Variants in DMAC2 observed in about 807,000 individuals in gnomAD.
DMAC2 encodes the protein distal membrane arm assembly component 2, also known as distal membrane-arm assembly complex protein 2.
Under a neutral mutation model 29.6 loss-of-function variants are expected in DMAC2, and 32 were observed. The observed-to-expected ratio is 1.08, with a 90% CI of 0.81 to 1.45. The LOEUF is 1.45. DMAC2 is among the 40% of genes most tolerant of loss of function. DMAC2 has a pLI of 0.00. For synonymous variants in DMAC2, 133 were observed against 137.4 expected (o/e 0.97, Z 0.23); for missense variants, 319 against 340.0 (o/e 0.94, Z 0.49).
intron 2 of DMAC2, among the ~76,000 whole-genome samples, chr19:41,436,705 T>C (rs1555771293): frequency 2.0e-5 from 3 of 152,168 alleles, no homozygotes; most frequent in African/African-American, 7.2e-5. Flanking sequence ...TCCAAGCTAT[T>C]ATACAGGGAG....
At position 41,431,760 on chromosome 19, in the gene DMAC2, T is replaced by C. The variant is rs2039520457; in HGVS notation, c.*471A>G. The C allele has an allele frequency of 1.3e-5, 3 of 230,488 alleles. No individual in the cohort carries two copies. Among genetic ancestry groups the C allele is most frequent in the African/African-American group, 2.3e-5 (1 of 43,396 alleles). 14.3% of individuals were successfully genotyped at this position (230,488 alleles called of 1,614,324 possible). On this transcript the variant is annotated 3_prime_UTR_variant, in exon 6 of 6. Transcript: ENST00000221943. Reference sequence around the variant, plus strand: ...ACCAGCAATACTATGGGGCCTGGGGTGCGCTGGCCTTTAGTGAGTGGAGTG... The same window carrying C: ...ACCAGCAATACTATGGGGCCTGGGGCGCGCTGGCCTTTAGTGAGTGGAGTG...
rs1412918005 is a variant in DMAC2, at chr19:41,432,777, AGCGTGCGTGTGTGTGT to A, written c.597-385_597-370del. 4.6e-5 allele frequency: 14 copies of A among 301,878 alleles called. No individual in the cohort carries two copies. The South Asian group carries it at 4.8e-4, about 10-fold the overall frequency. The allele number at this position is 301,878 out of a possible 1,614,324, so 18.7% of individuals were successfully genotyped here. A position where few individuals can be genotyped will look rare whatever the true frequency, so the allele number is the denominator to read the frequency against. On this transcript the variant is annotated intron_variant, in intron 5 of 5. Transcript: ENST00000221943. The stretch of plus-strand genomic sequence containing the variant: ...GCGTGTGTGTAGGGAGGTACAGGAC[AGCGTGCGTGTGTGTGT>A]GTGTGTGTGTGTGTGTGTGTGTGTA...
chr19:41,439,253 A>C (rs1405394322), intron 1 of DMAC2: 31 of 468,438 alleles, frequency 6.6e-5, no homozygotes, highest in Non-Finnish European at 1.1e-5. Context: ...AATTTTACCC[A>C]AACCCTTATT....
At chr19:41,436,897 G>C (rs1368358816) in intron 2 of DMAC2, among the ~76,000 whole-genome samples, 1 of 152,110 alleles carries the variant, frequency 6.6e-6, no homozygotes, top group Non-Finnish European at 1.5e-5. Flanking sequence ...GTGGTGAGAA[G>C]GAACAGAGTA....
intron 2 of DMAC2, 43 bp from the exon 3 acceptor site, chr19:41,436,515 C>CA (rs782267393): frequency 7.3e-5 from 111 of 1,529,548 alleles, no homozygotes; most frequent in Non-Finnish European, 9.6e-5. Context: ...TGGGGAGCAC[C>CA]ACAGCCCTCA....
At chr19:41,439,388 C>T in intron 1 of DMAC2, 1 of 946,002 alleles carries the variant, frequency 1.1e-6, no homozygotes, top group Non-Finnish European at 1.6e-6. Context: ...CCCTTAGAAC[C>T]TCCAAATTGA....
In DMAC2 at chr19:41,432,144, G is replaced by A. The variant is rs149255815; in HGVS notation, c.*87C>T. ...CTCCCCCACCCTGACGTTGAGTGAA[G>A]ACAAATGGAAGCCAGAAGTGTGGTG... On this transcript the variant is annotated 3_prime_UTR_variant, in exon 6 of 6. Transcript: ENST00000221943. 4.7e-3 allele frequency: 6,898 copies of A among 1,471,932 alleles called. 26 individuals carry two copies. Among genetic ancestry groups the A allele is most frequent in the Non-Finnish European group, 5.7e-3 (6,123 of 1,076,640 alleles). The allele number at this position is 1,471,932 out of a possible 1,614,324, so 91.2% of individuals were successfully genotyped here.
In DMAC2 at chr19:41,438,230, T is replaced by C; in HGVS notation, c.203A>G (p.His68Arg). ...CAGGGATTCTCACCGATTTTTCTCA[T>C]GCACCTTGTACATCTCCCTTTGGAG... ...YLLQREMYKV[H>R]EKNRSYTWLE... is the part of the protein sequence containing the mutation. Residue 68 changes from histidine (H) to arginine (R), a missense_variant, in exon 2 of 6, where the codon CAT becomes CGT. By Grantham distance (29) the His-to-Arg change is conservative. Coordinates refer to ENST00000221943, the MANE Select transcript of DMAC2 (RefSeq NM_018035.3). The C allele has an allele frequency of 6.2e-7, 1 of 1,614,010 alleles. No homozygotes were observed. The highest frequency in any genetic ancestry group is 1.3e-5 in the African/African-American group (1 of 75,074).
At chr19:41,439,412 C>T (rs2040036803) in intron 1 of DMAC2, 4 of 1,306,172 alleles carry the variant, frequency 3.1e-6, no homozygotes, top group Non-Finnish European at 4.3e-6. Flanking sequence ...CTTGGTTCCC[C>T]CACCCATCAT....
chr19:41,435,861 C>T (rs868947969), intron 3 of DMAC2, among the ~76,000 whole-genome samples: 2 of 151,654 alleles, frequency 1.3e-5, no homozygotes, highest in South Asian at 2.1e-4. Flanking sequence ...TGCCCAGCTC[C>T]GTTCAGTCTT....
chr19:41,433,811 C>G, intron 3 of DMAC2, 138 bp from the exon 4 acceptor site: 1 of 1,238,828 alleles, frequency 8.1e-7, no homozygotes, highest in Admixed American at 2.5e-5. Context: ...AAAAAGACTC[C>G]ATCTGGCTGT....
At chr19:41,439,164 C>G in intron 1 of DMAC2, 1 of 293,630 alleles carries the variant, frequency 3.4e-6, no homozygotes, top group Non-Finnish European at 6.4e-6. Flanking sequence ...TTCAATTTTG[C>G]TTTCAAGGTC....
At chr19:41,437,916 G>C (rs1326503182) in intron 2 of DMAC2, among the ~76,000 whole-genome samples, 3 of 152,244 alleles carry the variant, frequency 2.0e-5, no homozygotes, top group Non-Finnish European at 4.4e-5. Context: ...TGGGTGGGCA[G>C]CACCAGTGTT....
chr19:41,433,329 G>C lies in DMAC2; in HGVS notation c.539C>G (p.Ser180Trp). ...YPLADSLQEL[S>W]LAGCPRISER... ...GGAGATGCGGGGGCAACCGGCCAGC[G>C]AGAGCTCCTGCAACGAGTCGGCCAG... is the stretch of plus-strand genomic sequence containing the variant. The change falls in exon 5 of 6, where the codon TCG becomes TGG. Residue 180 changes from serine to tryptophan, a missense_variant. Coordinates refer to ENST00000221943, the MANE Select transcript of DMAC2 (RefSeq NM_018035.3). 1.2e-6 allele frequency: 2 copies of C among 1,612,026 alleles called. No homozygotes were observed. Among genetic ancestry groups the C allele is most frequent in the South Asian group, 2.2e-5 (2 of 91,066 alleles).
chr19:41,432,096 T>G lies in DMAC2; in HGVS notation c.*135A>C. ...GAATAAATACTGGGAACTCACGCTC[T>G]CTCCTGTGATTGGCCAGCACCACTC... On this transcript the variant is annotated 3_prime_UTR_variant, in exon 6 of 6. Transcript: ENST00000221943. 2 of 990,082 alleles carry G rather than the reference T, an allele frequency of 2.0e-6. No homozygotes were observed. Among genetic ancestry groups the G allele is most frequent in the Non-Finnish European group, 3.0e-6 (2 of 670,578 alleles). The allele number at this position is 990,082 out of a possible 1,614,324, so 61.3% of individuals were successfully genotyped here.
chr19:41,438,557 C>T lies in DMAC2; in HGVS notation c.19-143G>A, dbSNP rs561276355. 4.1e-6 allele frequency: 3 copies of T among 725,880 alleles called. No individual in the cohort carries two copies. In the South Asian group the frequency reaches 7.3e-5, roughly 18 times the overall value. 45.0% of individuals were successfully genotyped at this position (725,880 alleles called of 1,614,324 possible). A position where few individuals can be genotyped will look rare whatever the true frequency, so the allele number is the denominator to read the frequency against. On this transcript the variant is annotated intron_variant, in intron 1 of 5. Coordinates refer to ENST00000221943, the MANE Select transcript of DMAC2 (RefSeq NM_018035.3). ...TCTTCCTTCAAAACTTCAAAACTGT[C>T]TTTGAGATTCCAAAAATTTCCCCAT...
chr19:41,439,800 C>G (rs1462156428), intron 1 of DMAC2, 82 bp downstream of exon 1: 1 of 1,601,616 alleles, frequency 6.2e-7, no homozygotes, highest in African/African-American at 1.3e-5. Context: ...TTTCTGCTCT[C>G]GTGGCCGCCA....
chr19:41,439,885 C>T lies in DMAC2; in HGVS notation c.15G>A (p.Trp5Ter), dbSNP rs2040067227. The T allele has an allele frequency of 6.2e-7, 1 of 1,614,184 alleles. No homozygotes were observed. Among genetic ancestry groups the T allele is most frequent in the Non-Finnish European group, 8.5e-7 (1 of 1,180,026 alleles). MAAP[W>*]ASLRLVAPMW... ...TCTAGGAACTCCGGTCACTTACCGC[C>T]CAGGGAGCCGCCATCTTGCTAAGGT... Residue 5 changes from tryptophan (W) to a stop codon, truncating the protein, a stop_gained, in exon 1 of 6, where the codon TGG (tryptophan) becomes TGA (stop). Coordinates refer to ENST00000221943, the MANE Select transcript of DMAC2 (RefSeq NM_018035.3). LOFTEE classifies it high-confidence loss of function.
At chr19:41,432,436 C>A (rs373730258) in intron 5 of DMAC2, 28 bp from the exon 6 acceptor site, 5 of 1,608,192 alleles carry the variant, frequency 3.1e-6, no homozygotes, top group Non-Finnish European at 4.2e-6. Context: ...GGACAGGAAG[C>A]CAGTGTAAGG....
Sources: allele counts gnomAD v4.1 joint callset (sites outside exome capture counted in the v4.1 genomes callset), GRCh38; gene constraint gnomAD v4.1.1; transcripts MANE v1.5; gene names NCBI Gene and HGNC (gene_info 2026-07-23, HGNC 2026-07-21).